Variants in ZC3H4 observed in about 807,000 individuals in gnomAD.
ZC3H4 encodes zinc finger CCCH-type containing 4.
In ZC3H4, 13 loss-of-function variants were observed where a neutral mutation model predicts 108.3. That is an observed-to-expected ratio of 0.12 (90% CI 0.08 to 0.19). ZC3H4 has a LOEUF of 0.19. ZC3H4 is among the 10% of genes least tolerant of loss of function. ZC3H4 has a pLI of 1.00. For missense variants in ZC3H4, 1,734 were observed against 1,838.8 expected (o/e 0.94, Z 1.04); for synonymous variants, 917 against 749.6 (o/e 1.22, Z -3.65).
chr19:47,075,708 C>T (rs1438511342), intron 11 of ZC3H4, among the ~76,000 whole-genome samples: 1 of 152,174 alleles, frequency 6.6e-6, no homozygotes, highest in Non-Finnish European at 1.5e-5. Context: ...GTGCCTGGCA[C>T]AAACAAGGCA....
At chr19:47,104,309 ACT>A (rs1021437541) in intron 2 of ZC3H4, among the ~76,000 whole-genome samples, 11 of 152,030 alleles carry the variant, frequency 7.2e-5, no homozygotes, top group African/African-American at 2.4e-4. Context: ...ACAGAGTAAG[ACT>A]CTGTCTAAAA....
rs1568530320 is a variant in ZC3H4 at position 47,069,252 on chromosome 19, T to G, written c.2238A>C (p.Gly746=). The G allele has an allele frequency of 1.2e-6, 2 of 1,613,768 alleles. No individual in the cohort carries two copies. Among genetic ancestry groups the G allele is most frequent in the Non-Finnish European group, 8.5e-7 (1 of 1,179,924 alleles). The part of the protein sequence containing the change: ...HPLEPDSFSE[G]GPPGRPKPGA... ...CTGGCTTCGGCCGGCCTGGGGGCCC[T>G]CCCTCAGAGAAGCTGTCGGGCTCCA... Residue 746 remains glycine, a synonymous_variant, in exon 14 of 15, where the codon GGA becomes GGC. Transcript: ENST00000253048.
Position 47,071,858 on chromosome 19 carries a change from G to A in ZC3H4, c.2066C>T (p.Pro689Leu), listed in dbSNP as rs531279996. 6.8e-6 allele frequency: 11 copies of A among 1,613,664 alleles called. No individual in the cohort carries two copies. Among genetic ancestry groups the A allele is most frequent in the Admixed American group, 5.0e-5 (3 of 59,918 alleles). The change falls in exon 13 of 15, where the codon CCG becomes CTG. Residue 689 changes from proline (P) to leucine (L), a missense_variant. By Grantham distance (98) the Pro-to-Leu change is moderately conservative. Coordinates refer to ENST00000253048, the MANE Select transcript of ZC3H4 (RefSeq NM_015168.2). ...SPHSGMMPPI[P>L]PAQNFYENFY... ...GTTTTCATAGAAGTTCTGGGCTGGC[G>A]GGATAGGGGGCATCATTCCAGAATG...
rs771269173 is a variant in ZC3H4 at position 47,066,978 on chromosome 19, G to C, written c.3290C>G (p.Pro1097Arg). 8.2e-6 allele frequency: 13 copies of C among 1,590,354 alleles called. No individual in the cohort carries two copies. In the East Asian group the frequency reaches 2.7e-4, roughly 33 times the overall value. Reference protein sequence around the residue: ...DSTASSRAAKPGPAEAPSPTA... With the variant: ...DSTASSRAAKRGPAEAPSPTA... The stretch of plus-strand genomic sequence containing the variant: ...GGGAGAGGGCGCCTCAGCAGGGCCG[G>C]GCTTGGCAGCCCGGGAGGAGGCCGT... Residue 1097 changes from proline (P) to arginine (R), a missense_variant, in exon 15 of 15, where the codon CCC becomes CGC. Around this residue, in one of 9 missense-constraint regions of ZC3H4, gnomAD observed 518 missense variants for 499.6 expected, o/e 1.04. Transcript: ENST00000253048.
intron 11 of ZC3H4, among the ~76,000 whole-genome samples, chr19:47,073,893 G>C (rs1241121863): frequency 1.3e-5 from 2 of 152,192 alleles, no homozygotes; most frequent in Admixed American, 6.5e-5. Context: ...TTTTATGGCT[G>C]AATCATATTC....
At chr19:47,109,035 A>C (rs1430591184) in intron 2 of ZC3H4, among the ~76,000 whole-genome samples, 3 of 152,192 alleles carry the variant, frequency 2.0e-5, no homozygotes, top group African/African-American at 7.2e-5. Context: ...AAAATGTAAA[A>C]GTTTGTAAGT....
Position 47,093,061 on chromosome 19 carries a change from A to G in ZC3H4, c.492+909T>C, listed in dbSNP as rs187978490. On this transcript the variant is annotated intron_variant, in intron 4 of 14. Transcript: ENST00000253048. ...GAAATCCTGTCTCTACTAAAAACAC[A>G]AAAACTTGGCCGGGAGTGGTGGCGG... 4.0e-4 allele frequency among the ~76,000 whole-genome samples: 61 copies of G among 151,548 alleles called. 1 individual carries two copies. The highest frequency in any genetic ancestry group is 3.4e-3 in the Middle Eastern group (1 of 292).
intron 13 of ZC3H4, 133 bp downstream of exon 13, chr19:47,071,645 C>T: frequency 1.1e-6 from 1 of 932,374 alleles, no homozygotes; most frequent in South Asian, 1.8e-5. Context: ...AACATTCAAC[C>T]ATTAAATGGG....
At chr19:47,094,183 G>GGGGC in intron 3 of ZC3H4, 103 bp from the exon 4 acceptor site, 1 of 1,244,250 alleles carries the variant, frequency 8.0e-7, no homozygotes, top group Non-Finnish European at 1.2e-6. Flanking sequence ...GCAGGGCTCT[G>GGGGC]CGCTTCACCT....
chr19:47,090,274 C>T (rs955657472), intron 4 of ZC3H4, 85 bp from the exon 5 acceptor site: 24 of 1,448,416 alleles, frequency 1.7e-5, no homozygotes, highest in South Asian at 3.7e-5. Flanking sequence ...GTTCCCTAAA[C>T]GAACATGTCT....
chr19:47,111,481 A>G (rs1353195823), intron 2 of ZC3H4, among the ~76,000 whole-genome samples: 4 of 152,054 alleles, frequency 2.6e-5, no homozygotes, highest in Non-Finnish European at 5.9e-5. Context: ...CAGAGGGGGG[A>G]ACCCCAGGAG....
chr19:47,103,587 C>T (rs1171785507), intron 2 of ZC3H4, among the ~76,000 whole-genome samples: 2 of 151,920 alleles, frequency 1.3e-5, no homozygotes, highest in African/African-American at 2.4e-5. Context: ...AGTTCGAGAC[C>T]AGCCTGGCCA....
intron 8 of ZC3H4, 31 bp from the exon 9 acceptor site, chr19:47,084,486 G>C: frequency 6.2e-7 from 1 of 1,606,772 alleles, no homozygotes; most frequent in Non-Finnish European, 8.5e-7. Flanking sequence ...ACGTAAAGGG[G>C]AATGAAAGGG....
intron 2 of ZC3H4, among the ~76,000 whole-genome samples, chr19:47,099,664 T>C (rs548828914): frequency 6.6e-6 from 1 of 151,714 alleles, no homozygotes; most frequent in Admixed American, 6.6e-5. Context: ...AAGTGGCTAA[T>C]CAAGACAAAA....
At chr19:47,112,304 C>A in intron 2 of ZC3H4, 120 bp downstream of exon 2, 2 of 658,186 alleles carry the variant, frequency 3.0e-6, no homozygotes, top group Admixed American at 1.1e-4. Context: ...CCCCGCCCTT[C>A]CTCCTCCTCC....
At chr19:47,079,823 G>T (rs2057489945) in intron 11 of ZC3H4, among the ~76,000 whole-genome samples, 1 of 152,192 alleles carries the variant, frequency 6.6e-6, no homozygotes, top group South Asian at 2.1e-4. Flanking sequence ...GGAGGTAGAG[G>T]TTGCAGGGAG....
intron 5 of ZC3H4, among the ~76,000 whole-genome samples, chr19:47,088,036 G>T (rs1441234259): frequency 6.6e-6 from 1 of 151,836 alleles, no homozygotes; most frequent in Admixed American, 6.6e-5. Flanking sequence ...AGCCGGGCGT[G>T]GCGGCAAGCA....
intron 2 of ZC3H4, chr19:47,112,221 G>GA (rs961659091): frequency 5.9e-6 from 7 of 1,183,372 alleles, no homozygotes; most frequent in Non-Finnish European, 4.2e-6. Context: ...CGAGGGGGGG[G>GA]AAACGCATGA....
intron 2 of ZC3H4, among the ~76,000 whole-genome samples, chr19:47,099,561 TA>T (rs2057874325): frequency 6.6e-6 from 1 of 151,800 alleles, no homozygotes; most frequent in South Asian, 2.1e-4. Flanking sequence ...CAACCACACA[TA>T]CACTGTTCTC....
Sources: gnomAD v4.1 joint callset for allele counts (sites outside exome capture counted in the v4.1 genomes callset) on GRCh38, gnomAD v4.1.1 for gene constraint, gnomAD v4.1.1 regional missense constraint, MANE v1.5 for transcripts, NCBI Gene and HGNC (gene_info 2026-07-23, HGNC 2026-07-21) for gene names.